KDM4C: variants seen among roughly 807,000 people sequenced by gnomAD.
KDM4C encodes the protein lysine-specific demethylase 4C.
In KDM4C, 81 loss-of-function variants were observed where a neutral mutation model predicts 129.3. That is an observed-to-expected ratio of 0.63 (90% CI 0.52 to 0.75). The LOEUF is 0.75. Among genes scored for constraint, KDM4C ranks in the 30% least tolerant of loss-of-function variants. The pLI is 0.00. For synonymous variants in KDM4C, 573 were observed against 456.1 expected, an observed-to-expected ratio of 1.26 and a Z score of -3.26; for missense variants, 1,457 against 1,304.0, an observed-to-expected ratio of 1.12 and a Z score of -1.81.
In KDM4C at chr9:6,810,019, C is replaced by G. The variant is rs145136634; in HGVS notation, c.320+4245C>G. Among the ~76,000 whole-genome samples, 570 of 151,046 alleles carry G rather than the reference C, an allele frequency of 3.8e-3. 6 individuals are homozygous for G. Among genetic ancestry groups the G allele is most frequent in the African/African-American group, 0.013 (536 of 41,420 alleles). On this transcript the variant is annotated intron_variant, in intron 3 of 21. Transcript: ENST00000381309. The stretch of plus-strand genomic sequence containing the variant: ...AAAATAAATAAAATTTCAAATATAG[C>G]CATATATAACTTTAACTCTAAGAGG...
Position 6,984,528 on chromosome 9 carries a change from A to G in KDM4C, c.1354+124A>G, listed in dbSNP as rs543793272. 1.5e-5 allele frequency: 10 copies of G among 673,966 alleles called. No homozygotes were observed. In the South Asian group the frequency reaches 1.7e-4, roughly 12 times the overall value. The allele number at this position is 673,966 out of a possible 1,614,324, so 41.7% of individuals were successfully genotyped here. On this transcript the variant is annotated intron_variant, in intron 10 of 21. Transcript: ENST00000381309. The stretch of plus-strand genomic sequence containing the variant: ...CACATAGCTTAATCAGTAATCTACC[A>G]AAGTCATGGGTAACTCAACCAATAG...
intron 8 of KDM4C, among the ~76,000 whole-genome samples, chr9:6,938,083 A>G (rs936913435): frequency 6.6e-6 from 1 of 152,168 alleles, no homozygotes; most frequent in African/African-American, 2.4e-5. Flanking sequence ...CATATATCAC[A>G]TAAATGGGAC....
chr9:6,776,824 A>C (rs1823168811), intron 1 of KDM4C, among the ~76,000 whole-genome samples: 1 of 145,598 alleles, frequency 6.9e-6, no homozygotes, highest in Non-Finnish European at 1.5e-5. Flanking sequence ...AGTGGGTCTC[A>C]AACTCCTGAC....
chr9:6,907,212 T>A (rs1818474324), intron 8 of KDM4C, among the ~76,000 whole-genome samples: 2 of 152,214 alleles, frequency 1.3e-5, no homozygotes, highest in Non-Finnish European at 2.9e-5. Flanking sequence ...TTCTTTAGCA[T>A]GAAGCTGTAT....
intron 1 of KDM4C, among the ~76,000 whole-genome samples, chr9:6,788,417 A>G (rs1476223538): frequency 3.9e-5 from 6 of 152,116 alleles, no homozygotes; most frequent in African/African-American, 1.4e-4. Flanking sequence ...CTGTGTACCA[A>G]ATGTTTCTAC....
intron 1 of KDM4C, among the ~76,000 whole-genome samples, chr9:6,721,407 C>G (rs949500552): frequency 1.3e-5 from 2 of 151,424 alleles, no homozygotes; most frequent in African/African-American, 4.9e-5. Context: ...CCTTTGCCTC[C>G]CAAGTAGCTG....
At chr9:6,866,103 T>G (rs1841922484) in intron 5 of KDM4C, among the ~76,000 whole-genome samples, 1 of 152,038 alleles carries the variant, frequency 6.6e-6, no homozygotes, top group Admixed American at 6.5e-5. Context: ...CAGGCTGGTC[T>G]CGGACTCCTG....
At chr9:7,076,594 G>A (rs976488461) in intron 17 of KDM4C, 2 of 1,473,386 alleles carry the variant, frequency 1.4e-6, no homozygotes, top group Non-Finnish European at 9.0e-7. Flanking sequence ...TCGTGTTTAG[G>A]ATGGGGATAC....
At chr9:6,910,940 C>T (rs556348454) in intron 8 of KDM4C, among the ~76,000 whole-genome samples, 1 of 151,860 alleles carries the variant, frequency 6.6e-6, no homozygotes, top group Admixed American at 6.6e-5. Context: ...AATACACGGT[C>T]ATGGATTAAA....
At chr9:6,745,461 C>T (rs1817842226) in intron 1 of KDM4C, among the ~76,000 whole-genome samples, 2 of 151,026 alleles carry the variant, frequency 1.3e-5, no homozygotes, top group Non-Finnish European at 2.9e-5. Flanking sequence ...CGCTGGTGTG[C>T]TGTTGTGTGC....
intron 4 of KDM4C, among the ~76,000 whole-genome samples, chr9:6,820,076 T>C (rs1047753217): frequency 1.3e-5 from 2 of 152,164 alleles, no homozygotes; most frequent in Admixed American, 1.3e-4. Flanking sequence ...AAGTAATTTG[T>C]GCAAGGTGCA....
intron 1 of KDM4C, among the ~76,000 whole-genome samples, chr9:6,772,472 C>G (rs561964099): frequency 6.6e-6 from 1 of 152,138 alleles, no homozygotes; most frequent in East Asian, 1.9e-4. Flanking sequence ...AGCGATTCTC[C>G]TGCCTCATCC....
chr9:7,009,637 A>C (rs1016267898), intron 12 of KDM4C, among the ~76,000 whole-genome samples: 1 of 152,216 alleles, frequency 6.6e-6, no homozygotes, highest in Non-Finnish European at 1.5e-5. Flanking sequence ...CTACTTTCGT[A>C]TCACCGTTAC....
chr9:7,103,580 G>GTTTTTTTTT, intron 17 of KDM4C, 105 bp from the exon 18 acceptor site: 1 of 624,950 alleles, frequency 1.6e-6, no homozygotes, highest in South Asian at 2.2e-5. Flanking sequence ...GTAATCAGTT[G>GTTTTTTTTT]TTTTTTTTTT....
intron 15 of KDM4C, among the ~76,000 whole-genome samples, chr9:7,026,625 C>G (rs751624134): frequency 2.6e-5 from 4 of 152,112 alleles, no homozygotes; most frequent in Non-Finnish European, 5.9e-5. Flanking sequence ...ACATTAATAT[C>G]ATTCCCTAGG....
intron 1 of KDM4C, among the ~76,000 whole-genome samples, chr9:6,788,749 C>T (rs1364925512): frequency 6.6e-6 from 1 of 152,112 alleles, no homozygotes; most frequent in East Asian, 1.9e-4. Flanking sequence ...TTGGAAGTGC[C>T]AGCAGTTGGG....
intron 4 of KDM4C, chr9:6,834,827 G>C: frequency 7.2e-7 from 1 of 1,381,620 alleles, no homozygotes; most frequent in Non-Finnish European, 1.0e-6. Flanking sequence ...GATCATGTTT[G>C]AGACCTTCAT....
intron 8 of KDM4C, among the ~76,000 whole-genome samples, chr9:6,920,073 C>T (rs1821195539): frequency 6.6e-6 from 1 of 152,030 alleles, no homozygotes; most frequent in Non-Finnish European, 1.5e-5. Flanking sequence ...GTGAGGCCAG[C>T]CCATGCAGAA....
chr9:7,145,410 T>C (rs1842127794), intron 19 of KDM4C, among the ~76,000 whole-genome samples: 1 of 152,142 alleles, frequency 6.6e-6, no homozygotes, highest in African/African-American at 2.4e-5. Context: ...TCAGGGGTGC[T>C]GCGTAGGTGA....
Sources: allele counts gnomAD v4.1 joint callset (sites outside exome capture counted in the v4.1 genomes callset), GRCh38; gene constraint gnomAD v4.1.1; transcripts MANE v1.5; gene names NCBI Gene and HGNC (gene_info 2026-07-23, HGNC 2026-07-21).